Variants in STC2 observed in about 807,000 individuals in gnomAD.
The protein encoded by STC2 is stanniocalcin 2, also known as stanniocalcin-2.
In STC2, 7 loss-of-function variants were observed where a neutral mutation model predicts 22.7. The ratio of observed to expected loss-of-function variants is 0.31; its 90% CI spans 0.18 to 0.58. The LOEUF (loss-of-function observed/expected upper bound fraction) is 0.58. Among genes scored for constraint, STC2 ranks in the 20% least tolerant of loss-of-function variants. The pLI, the probability that STC2 is intolerant of heterozygous loss-of-function variation, is 0.89. For synonymous variants in STC2, 158 were observed against 163.4 expected (o/e 0.97, Z 0.25); for missense variants, 336 against 406.2 (o/e 0.83, Z 1.48).
intron 3 of STC2, among the ~76,000 whole-genome samples, chr5:173,321,016 A>T (rs929996228): frequency 2.6e-5 from 4 of 152,034 alleles, no homozygotes; most frequent in Non-Finnish European, 5.9e-5. Context: ...GAGTTAGGGG[A>T]GACCCCTGCC....
At position 173,315,602 on chromosome 5, in the gene STC2, C is replaced by T. The variant is rs1261663484; in HGVS notation, c.*2245G>A. The T allele has an allele frequency of 6.6e-6, 1 of 152,272 alleles. No individual in the cohort carries two copies. Among genetic ancestry groups the T allele is most frequent in the Admixed American group, 6.5e-5 (1 of 15,292 alleles). The allele number at this position is 152,272 out of a possible 1,614,324, so 9.4% of individuals were successfully genotyped here. A position where few individuals can be genotyped will look rare whatever the true frequency, so the allele number is the denominator to read the frequency against. Reference sequence around the variant, plus strand: ...AAATGGAAATGTGATGCCTTTCACACATCCAGTCCAGGAGCTGGCGGACAA... The same window carrying T: ...AAATGGAAATGTGATGCCTTTCACATATCCAGTCCAGGAGCTGGCGGACAA... On this transcript the variant is annotated 3_prime_UTR_variant, in exon 4 of 4. Coordinates refer to ENST00000265087, the MANE Select transcript of STC2 (RefSeq NM_003714.3).
intron 3 of STC2, among the ~76,000 whole-genome samples, chr5:173,318,750 G>A (rs557014560): frequency 1.4e-4 from 21 of 152,310 alleles, no homozygotes; most frequent in South Asian, 4.1e-4. Context: ...TTAGGACCAC[G>A]TGCCCTCTAT....
intron 2 of STC2, chr5:173,324,404 C>T (rs1329269079): frequency 6.6e-6 from 1 of 152,228 alleles, no homozygotes; most frequent in East Asian, 1.9e-4. Flanking sequence ...TTAGACAGGC[C>T]CGGAAGTCAC....
At position 173,323,111 on chromosome 5, in the gene STC2, A is replaced by T. The variant is rs1762504884; in HGVS notation, c.506+108T>A. ...TCTGAAGTAAATGGAAGCCTTCTCC[A>T]TTTGACAGGCATTCAGCCTCTAGAA... On this transcript the variant is annotated intron_variant, in intron 3 of 3. Coordinates refer to ENST00000265087, the MANE Select transcript of STC2 (RefSeq NM_003714.3). The surrounding 1 kb of genome is among the most constrained non-coding windows in gnomAD (Gnocchi z 5.4). The T allele has an allele frequency of 9.6e-7, 1 of 1,044,416 alleles. No homozygotes were observed. Among genetic ancestry groups the T allele is most frequent in the African/African-American group, 1.6e-5 (1 of 63,396 alleles). The allele number at this position is 1,044,416 out of a possible 1,614,324, so 64.7% of individuals were successfully genotyped here.
rs1762576129 is a variant in STC2 at position 173,328,235 on chromosome 5, T to C, written c.-42A>G. The C allele has an allele frequency of 2.1e-6, 3 of 1,407,280 alleles. No homozygotes were observed. Among genetic ancestry groups the C allele is most frequent in the Non-Finnish European group, 1.9e-6 (2 of 1,071,912 alleles). 87.2% of individuals were successfully genotyped at this position (1,407,280 alleles called of 1,614,324 possible). A position where few individuals can be genotyped will look rare whatever the true frequency, so the allele number is the denominator to read the frequency against. ...CTCCCGTCGGGAGACCTGGATCCTT[T>C]GTGCTCCCCTCTTCCTCCTCCTCCT... On this transcript the variant is annotated 5_prime_UTR_variant, in exon 1 of 4. Transcript: ENST00000265087.
rs752549941 is a variant in STC2 at position 173,315,272 on chromosome 5, G to T, written c.*2575C>A. The T allele has an allele frequency of 6.6e-6, 1 of 152,170 alleles. No individual in the cohort carries two copies. Among genetic ancestry groups the T allele is most frequent in the Non-Finnish European group, 1.5e-5 (1 of 68,040 alleles). The allele number at this position is 152,170 out of a possible 1,614,324, so 9.4% of individuals were successfully genotyped here. A position where few individuals can be genotyped will look rare whatever the true frequency, so the allele number is the denominator to read the frequency against. On this transcript the variant is annotated 3_prime_UTR_variant, in exon 4 of 4. Coordinates refer to ENST00000265087, the MANE Select transcript of STC2 (RefSeq NM_003714.3). The stretch of plus-strand genomic sequence containing the variant: ...AGATTGTGCAAATGTCTCAATCAAT[G>T]CTTGCAGGAATGTGGACCTTCCTCA...
chr5:173,318,604 T>C (rs574642493), intron 3 of STC2, among the ~76,000 whole-genome samples: 3 of 152,266 alleles, frequency 2.0e-5, no homozygotes, highest in Non-Finnish European at 4.4e-5. Flanking sequence ...TAGGCTACAC[T>C]AACTAGGTGA....
At chr5:173,322,157 A>G (rs1762495171) in intron 3 of STC2, among the ~76,000 whole-genome samples, 1 of 152,244 alleles carries the variant, frequency 6.6e-6, no homozygotes, top group Admixed American at 6.5e-5. Flanking sequence ...AAGAGTTCAT[A>G]AAATTATACC....
rs2113136029 is a variant in STC2, at chr5:173,323,069, T to G, written c.506+150A>C. The stretch of plus-strand genomic sequence containing the variant: ...AGCCAGCAGGAAAGGGGCCTTTTAG[T>G]AGAGTCAGTGTAGCTTTCTGAAGTA... On this transcript the variant is annotated intron_variant, in intron 3 of 3. Transcript: ENST00000265087. The surrounding 1 kb of genome is among the most constrained non-coding windows in gnomAD (Gnocchi z 5.4). 1.4e-6 allele frequency: 1 copy of G among 705,302 alleles called. No homozygotes were observed. Among genetic ancestry groups the G allele is most frequent in the South Asian group, 1.9e-5 (1 of 54,036 alleles). The allele number at this position is 705,302 out of a possible 1,614,324, so 43.7% of individuals were successfully genotyped here.
chr5:173,317,993 C>T lies in STC2; in HGVS notation c.763G>A (p.Gly255Ser). The change falls in exon 4 of 4, where the codon GGC (glycine) becomes AGC (serine). Residue 255 changes from glycine to serine, a missense_variant. This residue lies in a region of STC2 where 215 missense variants were observed against 231.5 expected (regional missense o/e 0.93). Coordinates refer to ENST00000265087, the MANE Select transcript of STC2 (RefSeq NM_003714.3). ...CCTCGCTCACCCTTGGCACCTCGGC[C>T]AGTCTCCCTACTGCTGGGCTCTGGG... ...HLPEPSSRET[G>S]RGAKGERGSK... 1.2e-6 allele frequency: 2 copies of T among 1,613,426 alleles called. No individual in the cohort carries two copies. The highest frequency in any genetic ancestry group is 2.2e-5 in the East Asian group (1 of 44,880).
At position 173,315,677 on chromosome 5, in the gene STC2, G is replaced by A. The variant is rs992373146; in HGVS notation, c.*2170C>T. 4 of 152,260 alleles carry A rather than the reference G, an allele frequency of 2.6e-5. No homozygotes were observed. The highest frequency in any genetic ancestry group is 5.9e-5 in the Non-Finnish European group (4 of 68,044). The allele number at this position is 152,260 out of a possible 1,614,324, so 9.4% of individuals were successfully genotyped here. On this transcript the variant is annotated 3_prime_UTR_variant, in exon 4 of 4. Coordinates refer to ENST00000265087, the MANE Select transcript of STC2 (RefSeq NM_003714.3). ...GGAGAATGTTATTGCTTTAGCTTTT[G>A]AGTGATGTCAGTAAAACAGTCAACG...
At position 173,318,100 on chromosome 5, in the gene STC2, G is replaced by T; in HGVS notation, c.656C>A (p.Pro219His). 6.2e-7 allele frequency: 1 copy of T among 1,608,246 alleles called. No individual in the cohort carries two copies. Reference sequence around the variant, plus strand: ...GGGCTGGCGCTCGGGGGGCGCCGTGGGAGGCTTCTGGATGGCCGAGGTGCA... The same window carrying T: ...GGGCTGGCGCTCGGGGGGCGCCGTGTGAGGCTTCTGGATGGCCGAGGTGCA... ...SFCTSAIQKPPTAPPERQPQV... is the reference protein window; with the variant it reads ...SFCTSAIQKPHTAPPERQPQV... Residue 219 changes from proline to histidine, a missense_variant, in exon 4 of 4, where the codon CCC becomes CAC. Pro to His is a moderately conservative substitution (Grantham distance 77). Transcript: ENST00000265087.
chr5:173,320,822 T>G (rs1005737314), intron 3 of STC2, among the ~76,000 whole-genome samples: 2 of 151,252 alleles, frequency 1.3e-5, no homozygotes, highest in Non-Finnish European at 2.9e-5. Flanking sequence ...TTTTTTTTTT[T>G]GACCAATGCC....
intron 1 of STC2, among the ~76,000 whole-genome samples, chr5:173,327,428 T>G (rs921439677): frequency 1.3e-5 from 2 of 152,268 alleles, no homozygotes; most frequent in Non-Finnish European, 2.9e-5. Flanking sequence ...TCACCATTTC[T>G]TGGCTTGCTG....
chr5:173,319,736 G>A (rs1762464191), intron 3 of STC2, among the ~76,000 whole-genome samples: 1 of 152,204 alleles, frequency 6.6e-6, no homozygotes, highest in African/African-American at 2.4e-5. Context: ...GAAGCTTCTG[G>A]GCTTCAGGGC....
intron 1 of STC2, 37 bp from the exon 2 acceptor site, chr5:173,326,047 C>G (rs751893130): frequency 5.0e-6 from 8 of 1,609,864 alleles, no homozygotes; most frequent in Middle Eastern, 1.6e-4. Flanking sequence ...ATACAAAACT[C>G]TAACCCATGC....
Position 173,317,646 on chromosome 5 carries a change from C to T in STC2, c.*201G>A. The T allele has an allele frequency of 3.7e-6, 2 of 545,640 alleles. No individual in the cohort carries two copies. Among genetic ancestry groups the T allele is most frequent in the East Asian group, 3.1e-5 (1 of 31,966 alleles). The allele number at this position is 545,640 out of a possible 1,614,324, so 33.8% of individuals were successfully genotyped here. On this transcript the variant is annotated 3_prime_UTR_variant, in exon 4 of 4. Coordinates refer to ENST00000265087, the MANE Select transcript of STC2 (RefSeq NM_003714.3). ...TGAGTACGTGTAAGTGCAGAATTCA[C>T]CAGGCACCCCTGAGACCCCACGGCC...
chr5:173,327,162 A>C (rs1198292067), intron 1 of STC2, among the ~76,000 whole-genome samples: 2 of 152,194 alleles, frequency 1.3e-5, no homozygotes, highest in African/African-American at 4.8e-5. Flanking sequence ...CCATTCACTC[A>C]CTTGGGGCGT....
At chr5:173,321,471 G>C (rs1038251307) in intron 3 of STC2, among the ~76,000 whole-genome samples, 4 of 149,200 alleles carry the variant, frequency 2.7e-5, no homozygotes, top group Non-Finnish European at 4.5e-5. Context: ...TGAAGGAAGG[G>C]AATTTTAGAG....
Sources: allele counts gnomAD v4.1 joint callset (sites outside exome capture counted in the v4.1 genomes callset), GRCh38; gene constraint gnomAD v4.1.1; regional missense constraint gnomAD v4.1.1; non-coding constraint Gnocchi (gnomAD v3.1); transcripts MANE v1.5; gene names NCBI Gene and HGNC (gene_info 2026-07-23, HGNC 2026-07-21).